The following DAB1 variants were observed in gnomAD, a reference collection of about 807,000 sequenced individuals.
DAB1 encodes DAB adaptor protein 1, also known as disabled homolog 1.
Under a neutral mutation model 64.6 loss-of-function variants are expected in DAB1, and 15 were observed. The ratio of observed to expected loss-of-function variants is 0.23; its 90% CI spans 0.16 to 0.36. DAB1 has a LOEUF of 0.36. Among genes scored for constraint, DAB1 ranks in the 10% least tolerant of loss-of-function variants. The pLI, the probability that DAB1 is intolerant of heterozygous loss-of-function variation, is 1.00. For synonymous variants in DAB1, 235 were observed against 251.9 expected (o/e 0.93, Z 0.64); for missense variants, 596 against 706.7 (o/e 0.84, Z 1.78).
intron 6 of DAB1, among the ~76,000 whole-genome samples, chr1:57,799,819 T>C (rs1235355294): frequency 6.6e-6 from 1 of 152,200 alleles, no homozygotes; most frequent in Admixed American, 6.5e-5. Flanking sequence ...AAGCAAACTT[T>C]ATTGGAACAC....
At chr1:58,306,494 G>A (rs895225463) in intron 4 of DAB1, among the ~76,000 whole-genome samples, 1 of 152,016 alleles carries the variant, frequency 6.6e-6, no homozygotes, top group African/African-American at 2.4e-5. Context: ...TCACCTCTGC[G>A]ACCACTTGCA....
At chr1:57,699,224 G>A (rs1429343091) in intron 6 of DAB1, among the ~76,000 whole-genome samples, 1 of 152,214 alleles carries the variant, frequency 6.6e-6, no homozygotes, top group African/African-American at 2.4e-5. Flanking sequence ...ACAGGTGTGA[G>A]TCATGGTGCC....
In DAB1 at chr1:57,636,104, A is replaced by AAAC. The variant is rs1646051182; in HGVS notation, n.625+13487_625+13488insGTT. Reference sequence around the variant, plus strand: ...AGAGCGAGACACGGTCTCAAAAAAAAAAAAAAAAACAAAAACAAAAAACTG... The same window carrying AAAC: ...AGAGCGAGACACGGTCTCAAAAAAAAAACAAAAAAAAACAAAAACAAAAAACTG... On this transcript the variant is annotated intron_variant and non_coding_transcript_variant, in intron 7 of 20. Transcript: ENST00000485760. 2.0e-5 allele frequency among the ~76,000 whole-genome samples: 3 copies of AAAC among 149,710 alleles called. 1 individual carries two copies. Among genetic ancestry groups the AAAC allele is most frequent in the Non-Finnish European group, 3.0e-5 (2 of 67,522 alleles).
At position 57,097,919 on chromosome 1, in the gene DAB1, A is replaced by G. The variant is rs774361068; in HGVS notation, c.307-25505T>C. ...CAGCCTCCCGAATAGCTGGGACCAC[A>G]GGTGTCCACCGCCACGCTTGGCTAA... On this transcript the variant is annotated intron_variant, in intron 4 of 14. Coordinates refer to ENST00000371236, the MANE Select transcript of DAB1 (RefSeq NM_001365792.1). Among the ~76,000 whole-genome samples, 3 of 152,136 alleles carry G rather than the reference A, an allele frequency of 2.0e-5. No homozygotes were observed. The East Asian group carries it at 5.8e-4, about 30-fold the overall frequency.
intron 7 of DAB1, among the ~76,000 whole-genome samples, chr1:57,638,987 T>C (rs563966249): frequency 6.2e-4 from 84 of 135,736 alleles, no homozygotes; most frequent in African/African-American, 2.1e-3. Context: ...TAAAGAACTT[T>C]AGTAAATAAC....
chr1:58,119,406 T>C (rs1244744745), intron 5 of DAB1, among the ~76,000 whole-genome samples: 2 of 151,290 alleles, frequency 1.3e-5, no homozygotes, highest in Non-Finnish European at 2.9e-5. Flanking sequence ...ATGTATTTAA[T>C]TGTGGGTGCT....
chr1:57,996,262 A>G (rs1646423962), intron 5 of DAB1, among the ~76,000 whole-genome samples: 1 of 152,188 alleles, frequency 6.6e-6, no homozygotes, highest in Admixed American at 6.5e-5. Flanking sequence ...TTGTCTCAAA[A>G]AAAGAAAAAT....
At chr1:57,388,340 C>T (rs1261133020) in intron 1 of DAB1, among the ~76,000 whole-genome samples, 3 of 152,206 alleles carry the variant, frequency 2.0e-5, no homozygotes, top group Non-Finnish European at 2.9e-5. Context: ...CTAGACAGCC[C>T]TGTTCCTTGG....
At chr1:57,400,823 G>C (rs535328405) in intron 1 of DAB1, among the ~76,000 whole-genome samples, 1 of 151,922 alleles carries the variant, frequency 6.6e-6, no homozygotes, top group Non-Finnish European at 1.5e-5. Flanking sequence ...GATTTATTCC[G>C]TCTCAGGCAC....
At chr1:57,589,152 G>C (rs1558519912) in intron 7 of DAB1, among the ~76,000 whole-genome samples, 1 of 152,096 alleles carries the variant, frequency 6.6e-6, no homozygotes, top group Non-Finnish European at 1.5e-5. Flanking sequence ...CTGGGGGTGT[G>C]GAGGTTGCAG....
At chr1:58,114,001 C>G (rs2100656233) in intron 5 of DAB1, among the ~76,000 whole-genome samples, 1 of 151,434 alleles carries the variant, frequency 6.6e-6, no homozygotes, top group Non-Finnish European at 1.5e-5. Flanking sequence ...AATTCCAGCA[C>G]TTTGGGAGGT....
chr1:57,140,828 G>A (rs1658523804), intron 3 of DAB1, among the ~76,000 whole-genome samples: 1 of 152,176 alleles, frequency 6.6e-6, no homozygotes, highest in African/African-American at 2.4e-5. Flanking sequence ...CAAGTAGGCA[G>A]TATCTCGATG....
At chr1:57,637,633 G>A (rs1410793241) in intron 7 of DAB1, among the ~76,000 whole-genome samples, 1 of 152,124 alleles carries the variant, frequency 6.6e-6, no homozygotes, top group African/African-American at 2.4e-5. Context: ...TTAGACAAGG[G>A]CCAGGGTATG....
At chr1:57,656,048 A>G (rs1045610835) in intron 6 of DAB1, among the ~76,000 whole-genome samples, 1 of 152,108 alleles carries the variant, frequency 6.6e-6, no homozygotes, top group Non-Finnish European at 1.5e-5. Flanking sequence ...ATGAGGGTGG[A>G]GCCTTCATGA....
intron 3 of DAB1, chr1:58,473,747 C>T (rs1645389881): frequency 2.1e-6 from 1 of 482,650 alleles, no homozygotes; most frequent in African/African-American, 2.0e-5. Flanking sequence ...CTTGATCTTA[C>T]CAAGCCCTAA....
chr1:58,489,901 C>T (rs1645648327), intron 3 of DAB1, among the ~76,000 whole-genome samples: 1 of 152,180 alleles, frequency 6.6e-6, no homozygotes, highest in African/African-American at 2.4e-5. Context: ...AGAAGGAAAA[C>T]TAACAAACAG....
intron 6 of DAB1, among the ~76,000 whole-genome samples, chr1:57,734,890 G>T (rs558599999): frequency 7.2e-5 from 11 of 152,314 alleles, no homozygotes; most frequent in Non-Finnish European, 1.5e-4. Flanking sequence ...ATGATTTAAA[G>T]GAGCTCTTTT....
intron 7 of DAB1, among the ~76,000 whole-genome samples, chr1:57,607,224 C>T (rs4912267): frequency 0.93 from 141,776 of 152,238 alleles, 66,374 homozygotes; most frequent in East Asian, 1. Flanking sequence ...ATTTTTTGAG[C>T]TGTGTTTGGT....
chr1:57,504,525 G>A (rs2793642), intron 7 of DAB1, among the ~76,000 whole-genome samples: 11,862 of 152,166 alleles, frequency 0.078, 1,440 homozygotes, highest in African/African-American at 0.26. Flanking sequence ...ATATCCTTGA[G>A]TCCATACTGA....
Sources: allele counts gnomAD v4.1 joint callset (sites outside exome capture counted in the v4.1 genomes callset), GRCh38; gene constraint gnomAD v4.1.1; transcripts MANE v1.5; gene names NCBI Gene and HGNC (gene_info 2026-07-23, HGNC 2026-07-21).